The following PHKA1 variants were observed in gnomAD, a reference collection of about 807,000 sequenced individuals.
The protein encoded by PHKA1 is phosphorylase b kinase regulatory subunit alpha, skeletal muscle isoform.
A neutral mutation model predicts 110.2 loss-of-function variants in PHKA1; 60 were observed. That is an observed-to-expected ratio of 0.54 (90% CI 0.44 to 0.68). The LOEUF (loss-of-function observed/expected upper bound fraction) is 0.68. Among genes scored for constraint, PHKA1 ranks in the 30% least tolerant of loss-of-function variants. The pLI is 0.00. For synonymous variants in PHKA1, 316 were observed against 333.6 expected (o/e 0.95, Z 0.58); for missense variants, 801 against 942.5 (o/e 0.85, Z 1.97).
intron 17 of PHKA1, among the ~76,000 whole-genome samples, chrX:72,624,449 TG>T (rs1316121944): frequency 9.0e-6 from 1 of 111,323 alleles, no homozygotes; most frequent in South Asian, 3.8e-4. Flanking sequence ...ACATCCTACA[TG>T]AACTATGCCA....
In PHKA1 at chrX:72,582,424, C is replaced by T; in HGVS notation, c.3472G>A (p.Ala1158Thr). 2 of 1,201,980 alleles carry T rather than the reference C, an allele frequency of 1.7e-6. No individual in the cohort carries two copies. The highest frequency in any genetic ancestry group is 2.3e-6 in the Non-Finnish European group (2 of 886,697). The change falls in exon 31 of 32, where the codon GCC (alanine) becomes ACC (threonine). Residue 1158 changes from alanine to threonine, a missense_variant. Physicochemically the swap from Ala to Thr is moderately conservative, Grantham distance 58. Transcript: ENST00000373542. ...TGTTCTTGAAGGAACAAGTCATTGG[C>T]AATATGCACTATTTTTTCCACAGCA... ...IIAVEKIVHI[A>T]NDLFLQEQKT... is the part of the protein sequence containing the mutation.
chrX:72,621,693 G>A lies in PHKA1; in HGVS notation c.1961-792C>T, dbSNP rs188891571. 291 of 595,996 alleles carry A rather than the reference G, an allele frequency of 4.9e-4. 1 individual carries two copies. In the African/African-American group the frequency reaches 6.4e-3, roughly 13 times the overall value. The allele number at this position is 595,996 out of a possible 1,213,427, so 49.1% of individuals were successfully genotyped here. On this transcript the variant is annotated intron_variant, in intron 18 of 31. Coordinates refer to ENST00000373542, the MANE Select transcript of PHKA1 (RefSeq NM_002637.4). ...TTCTGTGCTCTGATGTGACTAATGCGAACTAGTAGAGCTGTAAGAATGGAG... is the reference window on the plus strand; with the variant it reads ...TTCTGTGCTCTGATGTGACTAATGCAAACTAGTAGAGCTGTAAGAATGGAG...
chrX:72,667,509 A>G, intron 6 of PHKA1, 36 bp from the exon 7 acceptor site: 1 of 1,038,400 alleles, frequency 9.6e-7, no homozygotes, highest in South Asian at 1.9e-5. Context: ...CAAGTTTAGC[A>G]TTAGAAAGAT....
chrX:72,593,386 G>T (rs1556229072), intron 28 of PHKA1, 112 bp from the exon 29 acceptor site: 1 of 563,377 alleles, frequency 1.8e-6, no homozygotes, highest in Admixed American at 2.8e-5. Context: ...GCCCAGGCTG[G>T]AGTGCAGTGG....
chrX:72,582,469 G>A lies in PHKA1; in HGVS notation c.3427C>T (p.His1143Tyr), dbSNP rs1446188544. 4 of 1,204,106 alleles carry A rather than the reference G, an allele frequency of 3.3e-6. No individual in the cohort carries two copies. In the East Asian group the frequency reaches 8.9e-5, roughly 27 times the overall value. ...VLTMLADIEI[H>Y]SIGSIIAVEK... ...ACAGCAATGATGCTTCCGATGCTAT[G>A]AATTTCAATATCTGCCAGCATGGTG... The change falls in exon 31 of 32, where the codon CAT becomes TAT. Residue 1143 changes from histidine to tyrosine, a missense_variant. His to Tyr is a moderately conservative substitution (Grantham distance 83, BLOSUM62 2). Around this residue, in one of 2 missense-constraint regions of PHKA1, gnomAD observed 502 missense variants for 519.2 expected, o/e 0.97. Transcript: ENST00000373542.
At chrX:72,675,253 A>G (rs1243957631) in intron 6 of PHKA1, among the ~76,000 whole-genome samples, 2 of 109,477 alleles carry the variant, frequency 1.8e-5, no homozygotes, top group Admixed American at 1.9e-4. Context: ...ATAAAATAAA[A>G]AAATGGAATA....
At chrX:72,599,976 T>C (rs1392688604) in intron 28 of PHKA1, 1 of 394,199 alleles carries the variant, frequency 2.5e-6, no homozygotes, top group Admixed American at 4.0e-5. Flanking sequence ...TTTCAGTATG[T>C]AGTCAGCACA....
intron 14 of PHKA1, among the ~76,000 whole-genome samples, chrX:72,641,659 G>A (rs1386188027): frequency 9.0e-6 from 1 of 111,560 alleles, no homozygotes; most frequent in African/African-American, 3.3e-5. Flanking sequence ...AGCATTTGAG[G>A]GGAGAAAGAG....
chrX:72,700,683 ATTG>A (rs2054194122), intron 3 of PHKA1, among the ~76,000 whole-genome samples: 1 of 111,392 alleles, frequency 9.0e-6, no homozygotes, highest in African/African-American at 3.3e-5. Flanking sequence ...TCCATGGACA[ATTG>A]TTGTCTTGTT....
chrX:72,695,967 A>T, intron 3 of PHKA1, 91 bp from the exon 4 acceptor site: 1 of 730,168 alleles, frequency 1.4e-6, no homozygotes, highest in Non-Finnish European at 2.2e-6. Context: ...CATTATTGCA[A>T]TGTGAAGATA....
Position 72,580,588 on chromosome X carries a change from C to G in PHKA1, c.*414G>C. On this transcript the variant is annotated 3_prime_UTR_variant, in exon 32 of 32. Coordinates refer to ENST00000373542, the MANE Select transcript of PHKA1 (RefSeq NM_002637.4). ...AAATAATGTCCCAAAGTACCCACCA[C>G]TCATATACACAATAAAATCACAAAA... 5.5e-6 allele frequency: 1 copy of G among 181,273 alleles called. No individual in the cohort carries two copies. Among genetic ancestry groups the G allele is most frequent in the Non-Finnish European group, 1.0e-5 (1 of 97,105 alleles). The allele number at this position is 181,273 out of a possible 1,213,427, so 14.9% of individuals were successfully genotyped here.
chrX:72,666,451 T>C (rs1556306453), intron 7 of PHKA1, among the ~76,000 whole-genome samples, 154 bp from the exon 8 acceptor site: 1 of 112,285 alleles, frequency 8.9e-6, no homozygotes, highest in East Asian at 2.8e-4. Flanking sequence ...GTAAATACCT[T>C]AGCATTGTAA....
At chrX:72,683,986 G>A (rs889705260) in intron 5 of PHKA1, among the ~76,000 whole-genome samples, 5 of 112,251 alleles carry the variant, frequency 4.5e-5, no homozygotes, top group Non-Finnish European at 9.4e-5. Context: ...TTCCTGTATA[G>A]TGTCTAACTT....
At chrX:72,623,404 A>G (rs1473203311) in intron 17 of PHKA1, 129 bp from the exon 18 acceptor site, 2 of 491,719 alleles carry the variant, frequency 4.1e-6, no homozygotes, top group Non-Finnish European at 6.7e-6. Context: ...ATTAATATAA[A>G]TTTTATAAAA....
intron 5 of PHKA1, among the ~76,000 whole-genome samples, chrX:72,680,457 A>T (rs1423424687): frequency 6.2e-5 from 7 of 113,354 alleles, no homozygotes; most frequent in Admixed American, 1.8e-4. Flanking sequence ...TGAAAGACAA[A>T]AACATCTGCC....
rs138055366 is a variant in PHKA1, at chrX:72,646,434, T to C, written c.1325-1938A>G. On this transcript the variant is annotated intron_variant, in intron 13 of 31. Transcript: ENST00000373542. ...ATATGTTAAGGACATGATCCCTACA[T>C]GGAAAAAATGAGACGGCTATAGAGT... 3.1e-3 allele frequency among the ~76,000 whole-genome samples: 351 copies of C among 111,562 alleles called. 1 individual carries two copies. The highest frequency in any genetic ancestry group is 0.011 in the African/African-American group (342 of 30,698).
At chrX:72,699,622 AT>A (rs1251181153) in intron 3 of PHKA1, among the ~76,000 whole-genome samples, 6 of 109,889 alleles carry the variant, frequency 5.5e-5, no homozygotes, top group Non-Finnish European at 1.9e-5. Flanking sequence ...ACAAAAAAAA[AT>A]TTTTTTAAAC....
chrX:72,672,239 G>C (rs1235558349), intron 6 of PHKA1, among the ~76,000 whole-genome samples: 1 of 111,930 alleles, frequency 8.9e-6, no homozygotes, highest in African/African-American at 3.2e-5. Context: ...AACACCCCAG[G>C]CCTGTCCCCT....
In PHKA1 at chrX:72,605,287, G is replaced by A; in HGVS notation, c.2799C>T (p.His933=). 1 of 1,204,203 alleles carries A rather than the reference G, an allele frequency of 8.3e-7. No homozygotes were observed. Among genetic ancestry groups the A allele is most frequent in the Non-Finnish European group, 1.1e-6 (1 of 888,543 alleles). The change falls in exon 25 of 32, where the codon CAC becomes CAT. Residue 933 remains histidine (H), a synonymous_variant. Coordinates refer to ENST00000373542, the MANE Select transcript of PHKA1 (RefSeq NM_002637.4). The stretch of plus-strand genomic sequence containing the variant: ...ATTAAGTACCTGAGCATCGAAGGGA[G>A]TGGGCCAGTTCTGTTGCCATAACTT... ...IIQVMATELA[H]SLRCSAEEAT... is the part of the protein sequence containing the mutation.
Sources: allele counts gnomAD v4.1 joint callset (sites outside exome capture counted in the v4.1 genomes callset), GRCh38; gene constraint gnomAD v4.1.1; regional missense constraint gnomAD v4.1.1; transcripts MANE v1.5; gene names NCBI Gene and HGNC (gene_info 2026-07-23, HGNC 2026-07-21).